The following TRMT2B variants were observed in gnomAD, a reference collection of about 807,000 sequenced individuals.
TRMT2B encodes the protein tRNA (uracil-5-)-methyltransferase homolog B.
In TRMT2B, 34 loss-of-function variants were observed where a neutral mutation model predicts 39.7. The observed-to-expected ratio is 0.86, with a 90% CI of 0.65 to 1.14. TRMT2B has a LOEUF of 1.14. Among genes scored for constraint, TRMT2B ranks in the 50% most tolerant of loss-of-function variants. TRMT2B has a pLI of 0.00. For missense variants in TRMT2B, 318 were observed against 377.2 expected (o/e 0.84, Z 1.30); for synonymous variants, 132 against 137.3 (o/e 0.96, Z 0.27).
At chrX:100,973,723 C>T in the TRMT2B span, 12 of 1,211,139 alleles carry the variant, frequency 9.9e-6, no homozygotes, top group Admixed American at 4.3e-5. Flanking sequence ...CTGCTCTTGC[C>T]TAAGGACAAC....
intron 2 of TRMT2B, among the ~76,000 whole-genome samples, chrX:101,049,487 CAAAAAAA>C (rs1168727839): frequency 9.2e-5 from 2 of 21,641 alleles, no homozygotes; most frequent in East Asian, 1.5e-3. Context: ...ACCCTGTCTC[CAAAAAAA>C]AAAAAAAAAA....
At chrX:101,017,338 T>G (rs1337424795) in intron 13 of TRMT2B, among the ~76,000 whole-genome samples, 1 of 111,848 alleles carries the variant, frequency 8.9e-6, no homozygotes, top group Non-Finnish European at 1.9e-5. Flanking sequence ...TTTTTTGTTT[T>G]GTAAGTCATT....
chrX:100,987,530 C>T, the TRMT2B span: 9 of 1,211,118 alleles, frequency 7.4e-6, no homozygotes, highest in Non-Finnish European at 1.0e-5. Context: ...ATAACACAGG[C>T]TCTGGAGAAA....
At chrX:100,974,250 A>G in the TRMT2B span, 2 of 929,596 alleles carry the variant, frequency 2.2e-6, no homozygotes, top group Non-Finnish European at 3.0e-6. Context: ...GGACCCCAGA[A>G]TCCAGTGAAA....
At chrX:100,977,860 G>T in the TRMT2B span, among the ~76,000 whole-genome samples, 1 of 112,295 alleles carries the variant, frequency 8.9e-6, no homozygotes, top group African/African-American at 3.2e-5. Flanking sequence ...TGGCTAAATA[G>T]TACTCCATTG....
chrX:101,019,773 C>G, intron 11 of TRMT2B, among the ~76,000 whole-genome samples: 1 of 108,975 alleles, frequency 9.2e-6, no homozygotes, highest in Non-Finnish European at 1.9e-5. Context: ...GCTTGGATTA[C>G]AGGCGCCTGC....
chrX:101,042,485 T>A (rs2088300079), intron 2 of TRMT2B, among the ~76,000 whole-genome samples, 173 bp from the exon 3 acceptor site: 1 of 112,528 alleles, frequency 8.9e-6, no homozygotes, highest in Admixed American at 9.5e-5. Flanking sequence ...AAGGTATGTT[T>A]CGGTTCCCAA....
chrX:101,037,771 T>C (rs2087926981), intron 5 of TRMT2B, 146 bp downstream of exon 5: 1 of 612,131 alleles, frequency 1.6e-6, no homozygotes, highest in Non-Finnish European at 2.5e-6. Context: ...CCCCTCCAGG[T>C]TATTATAAAC....
At chrX:100,994,126 AAT>A in the TRMT2B span, among the ~76,000 whole-genome samples, 4 of 112,001 alleles carry the variant, frequency 3.6e-5, no homozygotes, top group African/African-American at 1.3e-4. Context: ...GTACAAAGTG[AAT>A]AGAGAATCTA....
the TRMT2B span, among the ~76,000 whole-genome samples, chrX:101,001,381 AC>A: frequency 9.1e-6 from 1 of 110,432 alleles, no homozygotes; most frequent in African/African-American, 3.3e-5. Flanking sequence ...GACTACAGGC[AC>A]ACACCACCAT....
At chrX:101,007,715 G>A (rs2086124777), downstream of TRMT2B, among the ~76,000 whole-genome samples, 1 of 111,431 alleles carries the variant, frequency 9.0e-6, no homozygotes, top group African/African-American at 3.3e-5. Context: ...CAGATTTTAA[G>A]TAATGGAGAA....
chrX:100,992,645 C>T, the TRMT2B span, among the ~76,000 whole-genome samples: 1 of 111,696 alleles, frequency 9.0e-6, no homozygotes, highest in Admixed American at 9.5e-5. Context: ...TCAATAAGCA[C>T]ACCAATAGTG....
At chrX:101,047,123 C>T (rs1388074772) in intron 2 of TRMT2B, among the ~76,000 whole-genome samples, 1 of 106,607 alleles carries the variant, frequency 9.4e-6, no homozygotes, top group African/African-American at 3.4e-5. Context: ...CCCAGCTACT[C>T]GGGAGGCTGA....
chrX:101,004,680 T>C (rs1370020037), downstream of TRMT2B, among the ~76,000 whole-genome samples: 1 of 110,168 alleles, frequency 9.1e-6, no homozygotes, highest in Non-Finnish European at 1.9e-5. Flanking sequence ...TTTGTATTTT[T>C]AGTAGAGATG....
chrX:101,050,648 T>C (rs1441875993), intron 2 of TRMT2B, among the ~76,000 whole-genome samples: 2 of 107,937 alleles, frequency 1.9e-5, no homozygotes, highest in African/African-American at 3.4e-5. Flanking sequence ...CGCTTGAACC[T>C]GGGAGGCAGA....
chrX:101,031,749 G>A (rs1369328127), intron 7 of TRMT2B, among the ~76,000 whole-genome samples: 1 of 108,651 alleles, frequency 9.2e-6, no homozygotes, highest in Non-Finnish European at 1.9e-5. Flanking sequence ...ATAAGTTAAT[G>A]TTACATTACT....
chrX:100,988,456 T>C, the TRMT2B span: 5 of 1,197,021 alleles, frequency 4.2e-6, no homozygotes, highest in South Asian at 5.4e-5. Flanking sequence ...AGAAGGTGAA[T>C]GTTCTAGGAG....
intron 13 of TRMT2B, among the ~76,000 whole-genome samples, chrX:101,012,106 C>T (rs1011102831): frequency 9.0e-6 from 1 of 111,094 alleles, no homozygotes; most frequent in Non-Finnish European, 1.9e-5. Context: ...ACCAGTAACA[C>T]AGTCATTTTA....
chrX:101,051,370 A>G lies in TRMT2B; in HGVS notation c.-143T>C, dbSNP rs772715085. 2.7e-6 allele frequency: 2 copies of G among 752,224 alleles called. No individual in the cohort carries two copies. The highest frequency in any genetic ancestry group is 1.8e-4 in the Admixed American group (2 of 11,262). The allele number at this position is 752,224 out of a possible 1,213,427, so 62.0% of individuals were successfully genotyped here. A position where few individuals can be genotyped will look rare whatever the true frequency, so the allele number is the denominator to read the frequency against. ...CGGCTCCAGACACTATTCCTTGCTA[A>G]ACCAAACAAGCAAATGGGTTGACTG... is the stretch of plus-strand genomic sequence containing the variant. On this transcript the variant is annotated 5_prime_UTR_variant, in exon 2 of 14. Transcript: ENST00000372936.
Sources: allele counts gnomAD v4.1 joint callset (sites outside exome capture counted in the v4.1 genomes callset), GRCh38; gene constraint gnomAD v4.1.1; transcripts MANE v1.5; gene names NCBI Gene and HGNC (gene_info 2026-07-23, HGNC 2026-07-21).